MACROD2: variants seen among roughly 807,000 people sequenced by gnomAD.
The protein encoded by MACROD2 is mono-ADP ribosylhydrolase 2.
A neutral mutation model predicts 70.4 loss-of-function variants in MACROD2; 36 were observed. That is an observed-to-expected ratio of 0.51 (90% confidence interval 0.39 to 0.68). The LOEUF is 0.68. Among genes scored for constraint, MACROD2 ranks in the 30% least tolerant of loss-of-function variants. The pLI is 0.00. For missense variants in MACROD2, 496 were observed against 538.4 expected (o/e 0.92, Z 0.78); for synonymous variants, 172 against 178.8 (o/e 0.96, Z 0.30).
intron 8 of MACROD2, among the ~76,000 whole-genome samples, chr20:15,782,880 C>T (rs921767957): frequency 6.6e-6 from 1 of 152,016 alleles, no homozygotes; most frequent in Non-Finnish European, 1.5e-5. Flanking sequence ...CTATCTCACA[C>T]AGAGTCTTTC....
At chr20:14,201,657 T>C (rs373245847) in intron 3 of MACROD2, among the ~76,000 whole-genome samples, 366 of 151,808 alleles carry the variant, frequency 2.4e-3, no homozygotes, top group African/African-American at 3.2e-3. Flanking sequence ...CTGGCCAAGA[T>C]GGTGAAACTC....
chr20:14,151,763 G>A (rs6042554), intron 3 of MACROD2, among the ~76,000 whole-genome samples: 1 of 146,750 alleles, frequency 6.8e-6, no homozygotes, highest in Non-Finnish European at 1.5e-5. Context: ...AATAGCTTTA[G>A]GATCACTTTG....
At chr20:14,418,921 GT>G (rs1255572051) in intron 3 of MACROD2, among the ~76,000 whole-genome samples, 1 of 151,988 alleles carries the variant, frequency 6.6e-6, no homozygotes, top group Non-Finnish European at 1.5e-5. Flanking sequence ...TCCAAAAGGA[GT>G]TCTTATCTTG....
Position 16,051,193 on chromosome 20 carries a change from A to G in MACROD2, c.*1317A>G, listed in dbSNP as rs1403648673. ...AGTGGAAACATATCGTTTGTTGCAT[A>G]TCTTCTTAAATCCATCTTCCTTGTA... On this transcript the variant is annotated 3_prime_UTR_variant, in exon 18 of 18. Coordinates refer to ENST00000684519, the MANE Select transcript of MACROD2 (RefSeq NM_001351661.2). 8.5e-5 allele frequency: 13 copies of G among 152,228 alleles called. No homozygotes were observed. The highest frequency in any genetic ancestry group is 7.9e-4 in the Admixed American group (12 of 15,278). 9.4% of individuals were successfully genotyped at this position (152,228 alleles called of 1,614,324 possible). A position where few individuals can be genotyped will look rare whatever the true frequency, so the allele number is the denominator to read the frequency against.
intron 9 of MACROD2, among the ~76,000 whole-genome samples, chr20:15,875,745 G>C (rs1193409116): frequency 6.6e-6 from 1 of 151,958 alleles, no homozygotes; most frequent in African/African-American, 2.4e-5. Flanking sequence ...TGGCTAAGCA[G>C]AGTTTGATCT....
chr20:14,474,662 T>A (rs2084568983), intron 3 of MACROD2, among the ~76,000 whole-genome samples: 1 of 152,174 alleles, frequency 6.6e-6, no homozygotes, highest in African/African-American at 2.4e-5. Context: ...TGATGTTGGG[T>A]GCATACATAT....
chr20:14,529,749 A>G (rs927319646), intron 4 of MACROD2, among the ~76,000 whole-genome samples: 2 of 152,204 alleles, frequency 1.3e-5, no homozygotes, highest in Non-Finnish European at 2.9e-5. Context: ...GGGCTAGGTC[A>G]TGTCTTTTTA....
At chr20:15,940,952 G>A (rs925992838) in intron 12 of MACROD2, among the ~76,000 whole-genome samples, 1 of 151,974 alleles carries the variant, frequency 6.6e-6, no homozygotes, top group Admixed American at 6.6e-5. Flanking sequence ...CATGAAAGAG[G>A]GATAATTTAA....
At chr20:14,978,419 A>C (rs1212757614) in intron 5 of MACROD2, among the ~76,000 whole-genome samples, 1 of 135,318 alleles carries the variant, frequency 7.4e-6, no homozygotes, top group Non-Finnish European at 1.5e-5. Context: ...TGAGATATTT[A>C]CATTGTTATC....
At chr20:15,603,995 T>C (rs2048859497) in intron 8 of MACROD2, among the ~76,000 whole-genome samples, 1 of 152,250 alleles carries the variant, frequency 6.6e-6, no homozygotes, top group Non-Finnish European at 1.5e-5. Flanking sequence ...GCTTAGTATC[T>C]GATTCCTAAT....
intron 5 of MACROD2, among the ~76,000 whole-genome samples, chr20:14,786,603 G>A (rs749709652): frequency 6.6e-6 from 1 of 151,940 alleles, no homozygotes; most frequent in Non-Finnish European, 1.5e-5. Flanking sequence ...GGCTTTGAAG[G>A]AAGTGGAGAC....
chr20:14,846,638 C>T (rs1305085855), intron 5 of MACROD2, among the ~76,000 whole-genome samples: 1 of 151,640 alleles, frequency 6.6e-6, no homozygotes, highest in African/African-American at 2.4e-5. Context: ...CTGCCTCAGC[C>T]TCCTGAGTAG....
chr20:15,245,626 A>G (rs960147246), intron 6 of MACROD2, among the ~76,000 whole-genome samples: 2 of 152,212 alleles, frequency 1.3e-5, no homozygotes, highest in African/African-American at 4.8e-5. Context: ...TCAAGTGTCC[A>G]TGCAACCATT....
At chr20:15,321,121 C>T (rs947645052) in intron 6 of MACROD2, among the ~76,000 whole-genome samples, 2 of 103,880 alleles carry the variant, frequency 1.9e-5, no homozygotes, top group Non-Finnish European at 2.5e-5. Flanking sequence ...ACAGGCCACT[C>T]GTTGTGGCCT....
chr20:15,264,228 A>C (rs1287218006), intron 6 of MACROD2, among the ~76,000 whole-genome samples: 2 of 152,192 alleles, frequency 1.3e-5, no homozygotes, highest in African/African-American at 4.8e-5. Context: ...AAGGAAGTTC[A>C]AAATAAAATT....
intron 5 of MACROD2, among the ~76,000 whole-genome samples, chr20:14,961,128 G>A (rs1021092918): frequency 6.6e-5 from 10 of 152,156 alleles, no homozygotes; most frequent in Non-Finnish European, 1.3e-4. Flanking sequence ...AATCTGTGTT[G>A]TGAAAATGTG....
At chr20:15,628,639 T>C (rs1289078956) in intron 8 of MACROD2, among the ~76,000 whole-genome samples, 1 of 152,220 alleles carries the variant, frequency 6.6e-6, no homozygotes, top group Non-Finnish European at 1.5e-5. Flanking sequence ...GAGAAGTCTA[T>C]TATACAAGAC....
chr20:15,206,196 G>A (rs1283292915), intron 5 of MACROD2, among the ~76,000 whole-genome samples: 1 of 151,704 alleles, frequency 6.6e-6, no homozygotes, highest in African/African-American at 2.4e-5. Flanking sequence ...TGAATATATT[G>A]GTTCATTTCC....
chr20:15,476,943 C>CATT (rs2047029549), intron 7 of MACROD2, among the ~76,000 whole-genome samples: 2 of 152,152 alleles, frequency 1.3e-5, no homozygotes, highest in Non-Finnish European at 2.9e-5. Context: ...TCGAATTACT[C>CATT]ATTAGACTAT....
Sources: allele counts gnomAD v4.1 joint callset (sites outside exome capture counted in the v4.1 genomes callset), GRCh38; gene constraint gnomAD v4.1.1; transcripts MANE v1.5; gene names NCBI Gene and HGNC (gene_info 2026-07-23, HGNC 2026-07-21).